ZBTB16: variants seen among roughly 807,000 people sequenced by gnomAD.
ZBTB16 encodes zinc finger and BTB domain-containing protein 16.
In ZBTB16, 8 loss-of-function variants were observed where a neutral mutation model predicts 56.8. That is an observed-to-expected ratio of 0.14 (90% CI 0.08 to 0.25). The LOEUF (loss-of-function observed/expected upper bound fraction) is 0.25, where lower values mean the gene tolerates loss of function less well. ZBTB16 is among the 10% of genes least tolerant of loss of function. ZBTB16 has a pLI of 1.00. For missense variants in ZBTB16, 625 were observed against 903.0 expected, an observed-to-expected ratio of 0.69 and a Z score of 3.95; for synonymous variants, 363 against 368.5, an observed-to-expected ratio of 0.98 and a Z score of 0.17.
intron 4 of ZBTB16, among the ~76,000 whole-genome samples, chr11:114,229,929 T>C: frequency 6.6e-6 from 1 of 152,184 alleles, no homozygotes; most frequent in East Asian, 1.9e-4. Context: ...AATGTGTTCC[T>C]TTGGTTCACC....
At chr11:114,187,065 C>T (rs778386572) in intron 4 of ZBTB16, 27 bp downstream of exon 4, 3 of 1,609,998 alleles carry the variant, frequency 1.9e-6, no homozygotes, top group Non-Finnish European at 2.6e-6. Flanking sequence ...TCCTGTTCTC[C>T]AGGTTTTCCA....
intron 4 of ZBTB16, among the ~76,000 whole-genome samples, chr11:114,191,247 A>T (rs1178177233): frequency 6.6e-6 from 1 of 152,230 alleles, no homozygotes; most frequent in Non-Finnish European, 1.5e-5. Flanking sequence ...ATATTACACC[A>T]TATAATAATA....
intron 3 of ZBTB16, among the ~76,000 whole-genome samples, chr11:114,158,537 A>G (rs967724821): frequency 6.6e-6 from 1 of 152,066 alleles, no homozygotes; most frequent in African/African-American, 2.4e-5. Flanking sequence ...CTTTATTTGA[A>G]GCTATCTTTG....
intron 4 of ZBTB16, among the ~76,000 whole-genome samples, chr11:114,204,970 T>TA (rs1304807752): frequency 6.6e-6 from 1 of 152,068 alleles, no homozygotes; most frequent in African/African-American, 2.4e-5. Flanking sequence ...CTGAGGAAAA[T>TA]ATAGGCATCA....
intron 3 of ZBTB16, among the ~76,000 whole-genome samples, chr11:114,162,717 C>T (rs938345439): frequency 1.3e-5 from 2 of 152,160 alleles, no homozygotes; most frequent in Non-Finnish European, 2.9e-5. Context: ...TATGTGGGGG[C>T]GCCTTTGGTT....
intron 3 of ZBTB16, among the ~76,000 whole-genome samples, chr11:114,181,216 G>A (rs1943240631): frequency 6.6e-6 from 1 of 152,210 alleles, no homozygotes; most frequent in African/African-American, 2.4e-5. Context: ...AAGGAAAAGT[G>A]ACTGGAGAAG....
At position 114,064,795 on chromosome 11, in the gene ZBTB16, C is replaced by T. The variant is rs1474282307; in HGVS notation, c.1268+227C>T. Among the ~76,000 whole-genome samples the T allele has an allele frequency of 1.3e-5, 2 of 152,164 alleles. No individual in the cohort carries two copies. The highest frequency in any genetic ancestry group is 2.9e-5 in the Non-Finnish European group (2 of 68,024). On this transcript the variant is annotated intron_variant, in intron 2 of 6. Coordinates refer to ENST00000335953, the MANE Select transcript of ZBTB16 (RefSeq NM_006006.6). The surrounding 1 kb of genome is among the most constrained non-coding windows in gnomAD (Gnocchi z 4.2). ...AAAAGCACCAGGGGACACTCATGGG[C>T]GCAGCTTCTTAATAGGCCCTTCCCT... is the stretch of plus-strand genomic sequence containing the variant.
chr11:114,182,781 A>G (rs999340352), intron 3 of ZBTB16, among the ~76,000 whole-genome samples: 1 of 152,234 alleles, frequency 6.6e-6, no homozygotes, highest in Non-Finnish European at 1.5e-5. Context: ...GGGAATAGCC[A>G]TGTGGTTTAT....
chr11:114,205,412 A>C (rs75130733), intron 4 of ZBTB16, among the ~76,000 whole-genome samples: 1 of 151,506 alleles, frequency 6.6e-6, no homozygotes, highest in Non-Finnish European at 1.5e-5. Context: ...TCCGTCTCAA[A>C]AAAAAAAAAA....
intron 4 of ZBTB16, among the ~76,000 whole-genome samples, chr11:114,204,435 C>T (rs751132819): frequency 9.2e-5 from 14 of 152,292 alleles, no homozygotes; most frequent in South Asian, 2.1e-4. Context: ...CCACCACACC[C>T]GGTCTCATTT....
At chr11:114,226,936 T>G (rs1944337284) in intron 4 of ZBTB16, among the ~76,000 whole-genome samples, 1 of 152,190 alleles carries the variant, frequency 6.6e-6, no homozygotes, top group African/African-American at 2.4e-5. Flanking sequence ...AAGGACAGTA[T>G]CTTCCTTCCA....
At chr11:114,139,918 G>A (rs1941901899) in intron 2 of ZBTB16, among the ~76,000 whole-genome samples, 2 of 152,186 alleles carry the variant, frequency 1.3e-5, no homozygotes, top group African/African-American at 4.8e-5. Context: ...AGGATAGGAA[G>A]GACGGCACCG....
At chr11:114,172,347 C>T (rs996007066) in intron 3 of ZBTB16, among the ~76,000 whole-genome samples, 4 of 152,196 alleles carry the variant, frequency 2.6e-5, no homozygotes, top group Admixed American at 1.3e-4. Context: ...GCTGACATTT[C>T]CTGGAGGCCT....
intron 4 of ZBTB16, among the ~76,000 whole-genome samples, chr11:114,209,080 A>G (rs1249978654): frequency 6.6e-6 from 1 of 152,184 alleles, no homozygotes; most frequent in Admixed American, 6.5e-5. Context: ...ATCCGAAGAT[A>G]ACTTGCCCCC....
intron 2 of ZBTB16, among the ~76,000 whole-genome samples, chr11:114,148,194 T>G (rs1443800955): frequency 6.6e-6 from 1 of 152,104 alleles, no homozygotes; most frequent in Non-Finnish European, 1.5e-5. Context: ...AGTGCTGTAT[T>G]CGGTGTGGTC....
intron 2 of ZBTB16, among the ~76,000 whole-genome samples, chr11:114,129,315 T>C (rs1941599516): frequency 6.6e-6 from 1 of 152,262 alleles, no homozygotes; most frequent in Non-Finnish European, 1.5e-5. Context: ...TGAGTACATT[T>C]GATCCGTGGC....
intron 2 of ZBTB16, among the ~76,000 whole-genome samples, chr11:114,138,241 T>G (rs1388274896): frequency 6.6e-6 from 1 of 152,128 alleles, no homozygotes; most frequent in East Asian, 1.9e-4. Context: ...TTATTCATAT[T>G]TCGAGCTTGG....
Position 114,059,987 on chromosome 11 carries a change from G to C in ZBTB16, c.-91+105G>C. Reference sequence around the variant, plus strand: ...GGGCGCGCGCTCGCTTCGGCCACTCGGCCGCTGGGCTTGTGCCTTTTTTAT... The same window carrying C: ...GGGCGCGCGCTCGCTTCGGCCACTCCGCCGCTGGGCTTGTGCCTTTTTTAT... On this transcript the variant is annotated intron_variant, in intron 1 of 6. Coordinates refer to ENST00000335953, the MANE Select transcript of ZBTB16 (RefSeq NM_006006.6). This position sits in a 1 kb window ranked among gnomAD's most constrained non-coding sequence, Gnocchi z 5.3. 1 of 392,970 alleles carries C rather than the reference G, an allele frequency of 2.5e-6. No homozygotes were observed. Among genetic ancestry groups the C allele is most frequent in the East Asian group, 3.6e-5 (1 of 27,798 alleles). 24.3% of individuals were successfully genotyped at this position (392,970 alleles called of 1,614,324 possible). A position where few individuals can be genotyped will look rare whatever the true frequency, so the allele number is the denominator to read the frequency against.
At chr11:114,219,645 A>G (rs1297185824) in intron 4 of ZBTB16, among the ~76,000 whole-genome samples, 3 of 142,590 alleles carry the variant, frequency 2.1e-5, no homozygotes, top group African/African-American at 5.1e-5. Context: ...CTCTGGAGGA[A>G]CTTTAAAAAA....
Sources: allele counts gnomAD v4.1 joint callset (sites outside exome capture counted in the v4.1 genomes callset), GRCh38; gene constraint gnomAD v4.1.1; non-coding constraint Gnocchi (gnomAD v3.1); transcripts MANE v1.5; gene names NCBI Gene and HGNC (gene_info 2026-07-23, HGNC 2026-07-21).